The following PDGFD variants were observed in gnomAD, a reference collection of about 807,000 sequenced individuals.
PDGFD encodes the protein platelet derived growth factor D, also known as platelet-derived growth factor D.
In PDGFD, 30 loss-of-function variants were observed where a neutral mutation model predicts 44.7. That is an observed-to-expected ratio of 0.67 (90% CI 0.50 to 0.91). The LOEUF (loss-of-function observed/expected upper bound fraction) is 0.91. PDGFD is among the 40% of genes least tolerant of loss of function. The probability of loss-of-function intolerance (pLI) is 0.00; values close to 1 mark genes in which losing one functional copy is unlikely to be tolerated. For missense variants in PDGFD, 445 were observed against 457.8 expected, an observed-to-expected ratio of 0.97 and a Z score of 0.25; for synonymous variants, 173 against 168.4, an observed-to-expected ratio of 1.03 and a Z score of -0.21.
In PDGFD at chr11:103,996,167, A is replaced by T; in HGVS notation, c.408T>A (p.Val136=). The T allele has an allele frequency of 6.2e-7, 1 of 1,613,590 alleles. No homozygotes were observed. The highest frequency in any genetic ancestry group is 8.5e-7 in the Non-Finnish European group (1 of 1,179,664). ...TCGTTCTTGATTTTATCCTTGGAGG[A>T]ACTTCCTTGTGTCCACACCATCGTC... ...IRGRWCGHKE[V]PPRIKSRTNQ... The change falls in exon 3 of 7, where the codon GTT becomes GTA. Residue 136 remains valine (V), a synonymous_variant. Coordinates refer to ENST00000393158, the MANE Select transcript of PDGFD (RefSeq NM_025208.5).
chr11:104,141,831 G>A (rs1404030528), intron 1 of PDGFD, among the ~76,000 whole-genome samples: 1 of 152,168 alleles, frequency 6.6e-6, no homozygotes, highest in Non-Finnish European at 1.5e-5. Flanking sequence ...TCCAGAAGGT[G>A]TGTGGCCTTA....
At chr11:103,926,847 A>G in intron 6 of PDGFD, 65 bp downstream of exon 6, 1 of 1,490,926 alleles carries the variant, frequency 6.7e-7, no homozygotes. Context: ...AACTGTATGC[A>G]ATGGCCCTGT....
chr11:104,061,628 T>C (rs1222332695), intron 1 of PDGFD, among the ~76,000 whole-genome samples: 1 of 152,222 alleles, frequency 6.6e-6, no homozygotes, highest in Non-Finnish European at 1.5e-5. Context: ...TTCTGTTTCT[T>C]TGAGACAGTC....
chr11:103,983,989 A>T (rs1053194378), intron 3 of PDGFD, among the ~76,000 whole-genome samples: 3 of 151,836 alleles, frequency 2.0e-5, no homozygotes, highest in Non-Finnish European at 1.5e-5. Flanking sequence ...GGCAGAAGAC[A>T]GTGTGGTGAC....
At chr11:104,096,191 A>G (rs1007879809) in intron 1 of PDGFD, among the ~76,000 whole-genome samples, 3 of 152,038 alleles carry the variant, frequency 2.0e-5, no homozygotes. Context: ...ATTTTTCTCA[A>G]AGGAATTATT....
In PDGFD at chr11:104,106,423, T is replaced by C. The variant is rs902667057; in HGVS notation, c.124+57381A>G. 4.6e-5 allele frequency among the ~76,000 whole-genome samples: 7 copies of C among 151,556 alleles called. No individual in the cohort carries two copies. The East Asian group carries it at 1.4e-3, about 29-fold the overall frequency. The stretch of plus-strand genomic sequence containing the variant: ...TGTGCATCAGCATAACTTCCAGTGA[T>C]AGCAAAAACTTCTGTTTGTGTTTCT... On this transcript the variant is annotated intron_variant, in intron 1 of 6. Transcript: ENST00000393158.
chr11:104,071,171 T>C (rs1860869632), intron 1 of PDGFD, among the ~76,000 whole-genome samples: 1 of 151,968 alleles, frequency 6.6e-6, no homozygotes, highest in Admixed American at 6.6e-5. Flanking sequence ...ATAAGCACAA[T>C]ATTGTGCATC....
At chr11:104,154,191 T>A (rs1164693383) in intron 1 of PDGFD, among the ~76,000 whole-genome samples, 1 of 152,178 alleles carries the variant, frequency 6.6e-6, no homozygotes, top group Non-Finnish European at 1.5e-5. Flanking sequence ...ATTAACACCA[T>A]CCCCCATTAC....
chr11:104,084,423 T>C (rs1303114534), intron 1 of PDGFD, among the ~76,000 whole-genome samples: 1 of 151,954 alleles, frequency 6.6e-6, no homozygotes, highest in East Asian at 1.9e-4. Flanking sequence ...AAGAAAGGGC[T>C]GGTATAAATG....
intron 1 of PDGFD, among the ~76,000 whole-genome samples, chr11:104,161,869 C>T (rs897108344): frequency 2.6e-5 from 4 of 151,822 alleles, no homozygotes; most frequent in Non-Finnish European, 5.9e-5. Context: ...TGTGTAACTA[C>T]GTTTTTCTCC....
chr11:104,074,145 A>G (rs1487096143), intron 1 of PDGFD, among the ~76,000 whole-genome samples: 1 of 152,158 alleles, frequency 6.6e-6, no homozygotes, highest in African/African-American at 2.4e-5. Context: ...TAAGCTGAGT[A>G]ATGCAGGATG....
At chr11:103,935,402 A>G (rs781188684) in intron 5 of PDGFD, among the ~76,000 whole-genome samples, 2 of 152,220 alleles carry the variant, frequency 1.3e-5, no homozygotes, top group African/African-American at 4.8e-5. Context: ...GCTGGCAAAC[A>G]GAGTAAGTGA....
Position 104,034,119 on chromosome 11 carries a change from T to C in PDGFD, c.125-33864A>G, listed in dbSNP as rs553620287. Among the ~76,000 whole-genome samples the C allele has an allele frequency of 4.6e-5, 7 of 152,320 alleles. No individual in the cohort carries two copies. In the South Asian group the frequency reaches 1.5e-3, roughly 32 times the overall value. On this transcript the variant is annotated intron_variant, in intron 1 of 6. Coordinates refer to ENST00000393158, the MANE Select transcript of PDGFD (RefSeq NM_025208.5). ...TTCTAAACCCAGTTCTTTCAGGATG[T>C]CTTCTCTCCCCAACATCCCTCACCA... is the stretch of plus-strand genomic sequence containing the variant.
chr11:104,129,895 G>T (rs753944699), intron 1 of PDGFD, among the ~76,000 whole-genome samples: 3 of 151,290 alleles, frequency 2.0e-5, no homozygotes. Context: ...TGTAATCCCA[G>T]CTACTTGGAA....
At chr11:103,969,474 GTTT>G (rs66571550) in intron 3 of PDGFD, among the ~76,000 whole-genome samples, 39 of 89,796 alleles carry the variant, frequency 4.3e-4, no homozygotes, top group East Asian at 4.0e-4. Context: ...ACCAAGCCTG[GTTT>G]TTTTTTTTTT....
chr11:104,097,387 T>C (rs148252299), intron 1 of PDGFD, among the ~76,000 whole-genome samples: 1 of 152,296 alleles, frequency 6.6e-6, no homozygotes, highest in African/African-American at 2.4e-5. Context: ...AGTAGTCAGA[T>C]ATGAGCATTT....
At chr11:103,996,898 G>C (rs572192644) in intron 2 of PDGFD, among the ~76,000 whole-genome samples, 13 of 152,310 alleles carry the variant, frequency 8.5e-5, no homozygotes, top group African/African-American at 2.9e-4. Context: ...ACCAGGGTGT[G>C]AATGAGCTTA....
At chr11:103,924,416 A>G (rs1858271564) in intron 6 of PDGFD, among the ~76,000 whole-genome samples, 1 of 152,236 alleles carries the variant, frequency 6.6e-6, no homozygotes, top group South Asian at 2.1e-4. Flanking sequence ...TCATCAGTTC[A>G]TACAAAAATA....
At chr11:104,114,747 T>C (rs1156826567) in intron 1 of PDGFD, among the ~76,000 whole-genome samples, 1 of 152,034 alleles carries the variant, frequency 6.6e-6, no homozygotes, top group African/African-American at 2.4e-5. Context: ...TATCTCTCCA[T>C]TTATTAAGTT....
Sources: allele counts gnomAD v4.1 joint callset (sites outside exome capture counted in the v4.1 genomes callset), GRCh38; gene constraint gnomAD v4.1.1; transcripts MANE v1.5; gene names NCBI Gene and HGNC (gene_info 2026-07-23, HGNC 2026-07-21).